Variants in ANKRD52 observed in about 807,000 individuals in gnomAD.
The protein encoded by ANKRD52 is serine/threonine-protein phosphatase 6 regulatory ankyrin repeat subunit C.
A neutral mutation model predicts 116.0 loss-of-function variants in ANKRD52; 7 were observed. That is an observed-to-expected ratio of 0.06 (90% confidence interval 0.03 to 0.11). ANKRD52 has a LOEUF of 0.11. ANKRD52 is among the 10% of genes least tolerant of loss of function. ANKRD52 has a pLI of 1.00. For missense variants in ANKRD52, 839 were observed against 1,408.6 expected, an observed-to-expected ratio of 0.60 and a Z score of 6.47; for synonymous variants, 528 against 578.1, an observed-to-expected ratio of 0.91 and a Z score of 1.24.
Position 56,252,093 on chromosome 12 carries a change from G to A in ANKRD52, c.1514C>T (p.Ala505Val), listed in dbSNP as rs765773620. ...YAAASDTYRR[A>V]EPHTPSSHDA... ...ATGGCTGGAAGGTGTATGGGGTTCC[G>A]CTCTGGGGAAGAGAGAGAGAAAGTT... Residue 505 changes from alanine (A) to valine (V), a missense_variant and splice_region_variant, in exon 15 of 28, where the codon GCG (alanine) becomes GTG (valine). Ala to Val is a moderately conservative substitution (Grantham distance 64). This residue lies in a region of ANKRD52 where 552 missense variants were observed against 810.6 expected (regional missense o/e 0.68). Coordinates refer to ENST00000267116, the MANE Select transcript of ANKRD52 (RefSeq NM_173595.4). This position sits in a 1 kb window ranked among gnomAD's most constrained non-coding sequence, Gnocchi z 4.7. The A allele has an allele frequency of 2.8e-5, 45 of 1,613,822 alleles. No homozygotes were observed. Among genetic ancestry groups the A allele is most frequent in the African/African-American group, 6.7e-5 (5 of 74,926 alleles).
At chr12:56,247,347 A>AG in intron 20 of ANKRD52, 146 bp downstream of exon 20, 2 of 139,994 alleles carry the variant, frequency 1.4e-5, no homozygotes, top group South Asian at 4.8e-4. Context: ...ACCCTGTCTC[A>AG]AAAAAAAAAA....
At chr12:56,258,006 G>A in intron 1 of ANKRD52, 95 bp from the exon 2 acceptor site, 1 of 1,340,782 alleles carries the variant, frequency 7.5e-7, no homozygotes, top group Non-Finnish European at 1.0e-6. Context: ...TGAGTGGGGG[G>A]CGTCCGTGGA....
Position 56,248,875 on chromosome 12 carries a change from G to A in ANKRD52, c.1593-5C>T. ...TCCAGTAAGAACTCCAGACAGCTGGGGAGCCGGGGGTAGACTGTGAGGCAG... is the reference window on the plus strand; with the variant it reads ...TCCAGTAAGAACTCCAGACAGCTGGAGAGCCGGGGGTAGACTGTGAGGCAG... On this transcript the variant is annotated splice_polypyrimidine_tract_variant and splice_region_variant and intron_variant, in intron 15 of 27. Coordinates refer to ENST00000267116, the MANE Select transcript of ANKRD52 (RefSeq NM_173595.4). This position sits in a 1 kb window ranked among gnomAD's most constrained non-coding sequence, Gnocchi z 5.1. The A allele has an allele frequency of 6.3e-7, 1 of 1,581,016 alleles. No individual in the cohort carries two copies. Among genetic ancestry groups the A allele is most frequent in the Admixed American group, 1.8e-5 (1 of 55,256 alleles).
Position 56,242,608 on chromosome 12 carries a change from C to T in ANKRD52, c.*534G>A. The T allele has an allele frequency of 5.8e-6, 1 of 171,730 alleles. No individual in the cohort carries two copies. Among genetic ancestry groups the T allele is most frequent in the Non-Finnish European group, 1.2e-5 (1 of 81,208 alleles). The allele number at this position is 171,730 out of a possible 1,614,324, so 10.6% of individuals were successfully genotyped here. ...CAGGCCCCAGTGCTAAATATCCTCC[C>T]CCCTCATCCTCTAGCTGCCCCTGAA... On this transcript the variant is annotated 3_prime_UTR_variant, in exon 28 of 28. Transcript: ENST00000267116. This position sits in a 1 kb window ranked among gnomAD's most constrained non-coding sequence, Gnocchi z 4.3.
In ANKRD52 at chr12:56,248,527, T is replaced by G; in HGVS notation, c.1744A>C (p.Ser582Arg). Residue 582 changes from serine to arginine, a missense_variant, in exon 17 of 28, where the codon AGC (serine) becomes CGC (arginine). Transcript: ENST00000267116. The surrounding 1 kb of genome is among the most constrained non-coding windows in gnomAD (Gnocchi z 5.1). ...TGCAAAGGGCTGACTGGAATGGTGC[T>G]CTCCACATCCTCCAGGCAGTTAAAG... Reference protein sequence around the residue: ...MSFNCLEDVESTIPVSPLHLA... With the variant: ...MSFNCLEDVERTIPVSPLHLA... The G allele has an allele frequency of 1.3e-6, 2 of 1,597,996 alleles. No homozygotes were observed. The highest frequency in any genetic ancestry group is 8.5e-7 in the Non-Finnish European group (1 of 1,172,354).
At chr12:56,245,703 C>CTT in intron 20 of ANKRD52, 107 bp from the exon 21 acceptor site, 2 of 770,624 alleles carry the variant, frequency 2.6e-6, no homozygotes, top group Non-Finnish European at 1.9e-6. Context: ...GGCTCCAATC[C>CTT]TTGTCTTTTT....
chr12:56,252,276 C>A lies in ANKRD52; in HGVS notation c.1410G>T (p.Gln470His), dbSNP rs1244231756. 1 of 1,614,014 alleles carries A rather than the reference C, an allele frequency of 6.2e-7. No individual in the cohort carries two copies. The highest frequency in any genetic ancestry group is 1.1e-5 in the South Asian group (1 of 91,088). Residue 470 changes from glutamine (Q) to histidine (H), a missense_variant, in exon 14 of 28, where the codon CAG becomes CAT. Physicochemically the swap from Gln to His is conservative, Grantham distance 24. This residue lies in a region of ANKRD52 where 552 missense variants were observed against 810.6 expected (regional missense o/e 0.68). Transcript: ENST00000267116. The surrounding 1 kb of genome is among the most constrained non-coding windows in gnomAD (Gnocchi z 4.7). ...LHYAAANGSY[Q>H]CAVTLVTAGA... ...CAGCAGTCACCAATGTTACTGCACA[C>A]TGGTAGCTACCGTTAGCAGCTGCAT...
intron 1 of ANKRD52, 144 bp from the exon 2 acceptor site, chr12:56,258,055 C>T (rs1009626546): frequency 6.0e-5 from 79 of 1,312,168 alleles, no homozygotes; most frequent in African/African-American, 5.7e-4. Context: ...AGCGAGCTCC[C>T]GCGGTGCCTC....
rs545633195 is a variant in ANKRD52, at chr12:56,248,584, G to A, written c.1705-18C>T. 3.9e-5 allele frequency: 62 copies of A among 1,577,894 alleles called. 1 individual carries two copies. Among genetic ancestry groups the A allele is most frequent in the Admixed American group, 3.9e-4 (21 of 53,844 alleles). On this transcript the variant is annotated intron_variant, in intron 16 of 27. Transcript: ENST00000267116. The surrounding 1 kb of genome is among the most constrained non-coding windows in gnomAD (Gnocchi z 5.1). ...TCTAAGAGCTGCAAAGGACAGGAAA[G>A]TAGGTGCTGAGACTCTGGAACTCCC...
intron 3 of ANKRD52, 68 bp downstream of exon 3, chr12:56,257,215 A>G (rs1871996626): frequency 1.9e-6 from 3 of 1,543,560 alleles, no homozygotes; most frequent in African/African-American, 2.7e-5. Context: ...CAATCCTTGA[A>G]TATCAAAAAA....
intron 4 of ANKRD52, 140 bp downstream of exon 4, chr12:56,256,875 G>C: frequency 1.1e-6 from 1 of 891,264 alleles, no homozygotes; most frequent in Non-Finnish European, 1.7e-6. Context: ...GGGGTAGGAG[G>C]AAGGGGCCAA....
chr12:56,246,310 G>A (rs547153825), intron 20 of ANKRD52, among the ~76,000 whole-genome samples: 10 of 150,938 alleles, frequency 6.6e-5, no homozygotes, highest in South Asian at 4.2e-4. Context: ...GATTACAGAC[G>A]TGAGCCACCA....
chr12:56,248,385 C>A lies in ANKRD52; in HGVS notation c.1776+110G>T. On this transcript the variant is annotated intron_variant, in intron 17 of 27. Coordinates refer to ENST00000267116, the MANE Select transcript of ANKRD52 (RefSeq NM_173595.4). This position sits in a 1 kb window ranked among gnomAD's most constrained non-coding sequence, Gnocchi z 5.1. ...CTACCCTGCACTGTGCTTATCCCCT[C>A]TCCCACAAAAAGGCAGAAGGAAGGA... 7.0e-7 allele frequency: 1 copy of A among 1,432,918 alleles called. No homozygotes were observed. Among genetic ancestry groups the A allele is most frequent in the East Asian group, 2.4e-5 (1 of 41,282 alleles). The allele number at this position is 1,432,918 out of a possible 1,614,324, so 88.8% of individuals were successfully genotyped here.
At position 56,255,203 on chromosome 12, in the gene ANKRD52, T is replaced by TG; in HGVS notation, c.463-252_463-251insC. ...GGTGGTTCTTAAACTCTTTTTTTTTTTTTTTTTGAGACAGTCTCGCTCTGT... is the reference window on the plus strand; with the variant it reads ...GGTGGTTCTTAAACTCTTTTTTTTTTGTTTTTTTGAGACAGTCTCGCTCTGT... On this transcript the variant is annotated intron_variant, in intron 5 of 27. Coordinates refer to ENST00000267116, the MANE Select transcript of ANKRD52 (RefSeq NM_173595.4). The surrounding 1 kb of genome is among the most constrained non-coding windows in gnomAD (Gnocchi z 4.3). 1 of 404,704 alleles carries TG rather than the reference T, an allele frequency of 2.5e-6. No homozygotes were observed. The highest frequency in any genetic ancestry group is 3.8e-5 in the Admixed American group (1 of 26,058). 25.1% of individuals were successfully genotyped at this position (404,704 alleles called of 1,614,324 possible).
Position 56,247,975 on chromosome 12 carries a change from G to T in ANKRD52, c.1978+48C>A, listed in dbSNP as rs111633456. 1,407 of 1,528,528 alleles carry T rather than the reference G, an allele frequency of 9.2e-4. 14 individuals are homozygous for T. In the African/African-American group the frequency reaches 0.017, roughly 18 times the overall value. 94.7% of individuals were successfully genotyped at this position (1,528,528 alleles called of 1,614,324 possible). On this transcript the variant is annotated intron_variant, in intron 18 of 27. Transcript: ENST00000267116. ...TTCCAGCCCCATTCCCATCCAGGAG[G>T]GATCTGGCATGGCAAGGGTAGGGCA...
chr12:56,251,842 C>T (rs537707148), intron 15 of ANKRD52, among the ~76,000 whole-genome samples, 173 bp downstream of exon 15: 1 of 151,148 alleles, frequency 6.6e-6, no homozygotes, highest in African/African-American at 2.4e-5. Context: ...CAATCTCATA[C>T]TTTTGTCTTT....
In ANKRD52 at chr12:56,243,054, C is replaced by T; in HGVS notation, c.*88G>A. 1 of 1,437,818 alleles carries T rather than the reference C, an allele frequency of 7.0e-7. No individual in the cohort carries two copies. Among genetic ancestry groups the T allele is most frequent in the Non-Finnish European group, 9.2e-7 (1 of 1,090,346 alleles). The allele number at this position is 1,437,818 out of a possible 1,614,324, so 89.1% of individuals were successfully genotyped here. A position where few individuals can be genotyped will look rare whatever the true frequency, so the allele number is the denominator to read the frequency against. Reference sequence around the variant, plus strand: ...CGCCCCCTCCACCCAGTCGTGTTCTCCTTTAAAGTGCCCTAAATGTTTAGA... The same window carrying T: ...CGCCCCCTCCACCCAGTCGTGTTCTTCTTTAAAGTGCCCTAAATGTTTAGA... On this transcript the variant is annotated 3_prime_UTR_variant, in exon 28 of 28. Coordinates refer to ENST00000267116, the MANE Select transcript of ANKRD52 (RefSeq NM_173595.4). The surrounding 1 kb of genome is among the most constrained non-coding windows in gnomAD (Gnocchi z 4.6).
chr12:56,244,378 G>A lies in ANKRD52; in HGVS notation c.2780C>T (p.Thr927Met), dbSNP rs776466027. Reference protein sequence around the residue: ...DLTVLDENKNTALHLACSKGH... With the variant: ...DLTVLDENKNMALHLACSKGH... ...CTTGCTACAAGCCAAGTGGAGGGCCGTGTTCTTGTTCTCATCCAACACAGT... is the reference window on the plus strand; with the variant it reads ...CTTGCTACAAGCCAAGTGGAGGGCCATGTTCTTGTTCTCATCCAACACAGT... The change falls in exon 25 of 28, where the codon ACG (threonine) becomes ATG (methionine). Residue 927 changes from threonine (T) to methionine (M), a missense_variant. This residue lies in a region of ANKRD52 where 552 missense variants were observed against 810.6 expected (regional missense o/e 0.68). Coordinates refer to ENST00000267116, the MANE Select transcript of ANKRD52 (RefSeq NM_173595.4). The surrounding 1 kb of genome is among the most constrained non-coding windows in gnomAD (Gnocchi z 4.9). The A allele has an allele frequency of 6.2e-6, 10 of 1,613,976 alleles. No homozygotes were observed. The Middle Eastern group carries it at 6.6e-4, about 106-fold the overall frequency.
At chr12:56,247,342 G>A (rs1871457376) in intron 20 of ANKRD52, 151 bp downstream of exon 20, 1 of 646,702 alleles carries the variant, frequency 1.5e-6, no homozygotes, top group Non-Finnish European at 2.5e-6. Flanking sequence ...GTGAGACCCT[G>A]TCTCAAAAAA....
Sources: allele counts gnomAD v4.1 joint callset (sites outside exome capture counted in the v4.1 genomes callset), GRCh38; gene constraint gnomAD v4.1.1; regional missense constraint gnomAD v4.1.1; non-coding constraint Gnocchi (gnomAD v3.1); transcripts MANE v1.5; gene names NCBI Gene and HGNC (gene_info 2026-07-23, HGNC 2026-07-21).